Variants in RNFT2 observed in about 807,000 individuals in gnomAD.
RNFT2 encodes the protein E3 ubiquitin-protein ligase RNFT2.
RNFT2 carries 36 observed loss-of-function variants against 53.0 expected under a neutral mutation model. The ratio of observed to expected loss-of-function variants is 0.68; its 90% CI spans 0.52 to 0.90. The LOEUF is 0.90. Ranked by LOEUF, RNFT2 falls within the 40% of genes least tolerant of loss-of-function variation. RNFT2 has a pLI of 0.00. For synonymous variants in RNFT2, 260 were observed against 253.2 expected, an observed-to-expected ratio of 1.03 and a Z score of -0.26; for missense variants, 514 against 585.6, an observed-to-expected ratio of 0.88 and a Z score of 1.26.
intron 4 of RNFT2, among the ~76,000 whole-genome samples, chr12:116,750,808 T>A (rs1566069260): frequency 4.1e-5 from 1 of 24,286 alleles, no homozygotes; most frequent in Non-Finnish European, 7.7e-5. Flanking sequence ...TATATATATA[T>A]AATATATATA....
At chr12:116,820,059 C>T (rs138110309) in intron 7 of RNFT2, among the ~76,000 whole-genome samples, 2,816 of 151,986 alleles carry the variant, frequency 0.019, 50 homozygotes, top group Non-Finnish European at 0.026. Flanking sequence ...CTTTGAAATT[C>T]CTTGTTTCTT....
At chr12:116,738,659 A>C (rs1426718310) in intron 1 of RNFT2, 1 of 152,214 alleles carries the variant, frequency 6.6e-6, no homozygotes. Flanking sequence ...AGTGGGATGT[A>C]CAGAGCAGAG....
In RNFT2 at chr12:116,786,045, C is replaced by G. The variant is rs972121197; in HGVS notation, c.882+6697C>G. Among the ~76,000 whole-genome samples, 23 of 152,018 alleles carry G rather than the reference C, an allele frequency of 1.5e-4. 1 individual carries two copies. The South Asian group carries it at 2.1e-3, about 14-fold the overall frequency. On this transcript the variant is annotated intron_variant, in intron 7 of 10. Transcript: ENST00000257575. Reference sequence around the variant, plus strand: ...CCAGCCTCGGCAATAGAGCCAGCCTCTCAGTATTCTTCTGACATAGGTGCT... The same window carrying G: ...CCAGCCTCGGCAATAGAGCCAGCCTGTCAGTATTCTTCTGACATAGGTGCT...
chr12:116,836,259 G>T lies in RNFT2; in HGVS notation c.1177G>T (p.Glu393Ter). Residue 393 changes from glutamate to a stop codon, truncating the protein, a stop_gained, in exon 10 of 11, where the codon GAG (glutamate) becomes TAG (stop). Transcript: ENST00000257575. LOFTEE classifies it high-confidence loss of function. ...ICAICQAEFR[E>*]PLILLCQHVF... is the part of the protein sequence containing the mutation. ...CGCCATCTGTCAGGCCGAGTTCCGAGAGCCTCTGATTCTCCTGTGCCAGGT... is the reference window on the plus strand; with the variant it reads ...CGCCATCTGTCAGGCCGAGTTCCGATAGCCTCTGATTCTCCTGTGCCAGGT... 1 of 1,580,710 alleles carries T rather than the reference G, an allele frequency of 6.3e-7. No homozygotes were observed. Among genetic ancestry groups the T allele is most frequent in the East Asian group, 2.3e-5 (1 of 43,020 alleles).
chr12:116,844,678 C>T (rs1031831856), intron 10 of RNFT2, among the ~76,000 whole-genome samples: 1 of 152,112 alleles, frequency 6.6e-6, no homozygotes, highest in Non-Finnish European at 1.5e-5. Context: ...GGTCTTAGCA[C>T]CAGAATATCT....
chr12:116,741,937 C>G (rs1029083464), intron 3 of RNFT2, among the ~76,000 whole-genome samples: 2 of 152,130 alleles, frequency 1.3e-5, no homozygotes, highest in Non-Finnish European at 2.9e-5. Flanking sequence ...AGGTGTGAAC[C>G]ACTGCACCTG....
chr12:116,793,682 C>G (rs1000502420), intron 7 of RNFT2, among the ~76,000 whole-genome samples: 15 of 152,142 alleles, frequency 9.9e-5, no homozygotes, highest in African/African-American at 3.6e-4. Flanking sequence ...CTGCTGGGAG[C>G]AGTTTTTTCC....
intron 7 of RNFT2, among the ~76,000 whole-genome samples, chr12:116,821,052 G>C (rs1006891635): frequency 6.6e-6 from 1 of 152,114 alleles, no homozygotes; most frequent in South Asian, 2.1e-4. Flanking sequence ...GGAGCAATTG[G>C]TGTGCCGTTC....
intron 7 of RNFT2, among the ~76,000 whole-genome samples, chr12:116,812,711 T>C (rs1875449728): frequency 6.6e-6 from 1 of 152,112 alleles, no homozygotes; most frequent in Admixed American, 6.5e-5. Context: ...TTTTTGTATT[T>C]TTAGTAGAGA....
chr12:116,843,729 C>G, intron 10 of RNFT2, among the ~76,000 whole-genome samples: 1 of 151,970 alleles, frequency 6.6e-6, no homozygotes, highest in East Asian at 1.9e-4. Flanking sequence ...TTTTTTGAAC[C>G]TTTTCATTTG....
chr12:116,841,858 A>AAAT (rs1877314295), intron 10 of RNFT2, among the ~76,000 whole-genome samples: 1 of 24,452 alleles, frequency 4.1e-5, no homozygotes. Flanking sequence ...TATATATAAA[A>AAAT]ATATATATAT....
At chr12:116,797,483 C>T (rs368800571) in intron 7 of RNFT2, among the ~76,000 whole-genome samples, 170 of 151,544 alleles carry the variant, frequency 1.1e-3, no homozygotes, top group African/African-American at 3.3e-3. Context: ...CACTTGAACC[C>T]GGGAGGTGGA....
intron 10 of RNFT2, among the ~76,000 whole-genome samples, chr12:116,845,256 A>ATATAT (rs1179838115): frequency 3.6e-4 from 41 of 113,556 alleles, no homozygotes; most frequent in African/African-American, 2.1e-3. Flanking sequence ...AAAAAAAAAA[A>ATATAT]AAATATATAT....
At position 116,851,471 on chromosome 12, in the gene RNFT2, G is replaced by T; in HGVS notation, c.*2023G>T. 1 of 445,720 alleles carries T rather than the reference G, an allele frequency of 2.2e-6. No homozygotes were observed. 27.6% of individuals were successfully genotyped at this position (445,720 alleles called of 1,614,324 possible). A position where few individuals can be genotyped will look rare whatever the true frequency, so the allele number is the denominator to read the frequency against. Reference sequence around the variant, plus strand: ...AGCACACGAGAGGCCGGGTGTGGTGGCCCATGCCTGTAGTGCCAGCATTTT... The same window carrying T: ...AGCACACGAGAGGCCGGGTGTGGTGTCCCATGCCTGTAGTGCCAGCATTTT... On this transcript the variant is annotated 3_prime_UTR_variant, in exon 11 of 11. Transcript: ENST00000257575.
chr12:116,798,699 TG>T (rs1874625287), intron 7 of RNFT2, among the ~76,000 whole-genome samples: 1 of 152,166 alleles, frequency 6.6e-6, no homozygotes, highest in Admixed American at 6.5e-5. Context: ...CTCCTGAATC[TG>T]GGACCACAGA....
chr12:116,753,891 C>A (rs1329419752), intron 4 of RNFT2, 93 bp from the exon 5 acceptor site: 5 of 907,652 alleles, frequency 5.5e-6, no homozygotes, highest in Non-Finnish European at 9.1e-6. Flanking sequence ...TCTGAGGGGA[C>A]CAGGGATGTG....
chr12:116,806,079 G>C (rs1214950548), intron 7 of RNFT2, among the ~76,000 whole-genome samples: 1 of 152,070 alleles, frequency 6.6e-6, no homozygotes, highest in Non-Finnish European at 1.5e-5. Context: ...GTTTTATCAT[G>C]TTAACAAAGT....
intron 10 of RNFT2, among the ~76,000 whole-genome samples, chr12:116,843,454 C>T (rs556117945): frequency 7.7e-6 from 1 of 130,082 alleles, no homozygotes; most frequent in African/African-American, 2.8e-5. Context: ...AATCACACCA[C>T]TGCACTCCAG....
rs145743159 is a variant in RNFT2 at position 116,830,665 on chromosome 12, G to A, written c.883-3127G>A. 1.3e-3 allele frequency among the ~76,000 whole-genome samples: 192 copies of A among 152,266 alleles called. 1 individual carries two copies. Among genetic ancestry groups the A allele is most frequent in the African/African-American group, 4.3e-3 (178 of 41,556 alleles). On this transcript the variant is annotated intron_variant, in intron 7 of 10. Transcript: ENST00000257575. ...CACACCTGTAATTTTAGCACTTTGG[G>A]AGGCTGAAGTGAAGTAGGTGGATCA... is the stretch of plus-strand genomic sequence containing the variant.
Sources: gnomAD v4.1 joint callset for allele counts (sites outside exome capture counted in the v4.1 genomes callset) on GRCh38, gnomAD v4.1.1 for gene constraint, MANE v1.5 for transcripts, NCBI Gene and HGNC (gene_info 2026-07-23, HGNC 2026-07-21) for gene names.